SFSWAP: variants seen among roughly 807,000 people sequenced by gnomAD.
SFSWAP encodes the protein splicing factor, suppressor of white-apricot homolog.
A neutral mutation model predicts 100.7 loss-of-function variants in SFSWAP; 17 were observed. The observed-to-expected ratio is 0.17, with a 90% CI of 0.12 to 0.25. The LOEUF (loss-of-function observed/expected upper bound fraction) is 0.25, where lower values mean the gene tolerates loss of function less well. SFSWAP is among the 10% of genes least tolerant of loss of function. The probability of loss-of-function intolerance (pLI) is 1.00; values close to 1 mark genes in which losing one functional copy is unlikely to be tolerated. For missense variants in SFSWAP, 1,005 were observed against 1,262.6 expected, an observed-to-expected ratio of 0.80 and a Z score of 3.09; for synonymous variants, 504 against 510.1, an observed-to-expected ratio of 0.99 and a Z score of 0.16.
At chr12:131,763,517 T>C (rs1882849367) in intron 11 of SFSWAP, among the ~76,000 whole-genome samples, 2 of 152,220 alleles carry the variant, frequency 1.3e-5, no homozygotes, top group African/African-American at 2.4e-5. Context: ...ATTTTTTCTT[T>C]AGGGCCTCCA....
intron 12 of SFSWAP, 84 bp downstream of exon 12, chr12:131,764,770 C>A: frequency 1.0e-6 from 1 of 959,784 alleles, no homozygotes; most frequent in Non-Finnish European, 1.6e-6. Flanking sequence ...AATCTCGAGG[C>A]TGCCAACTAG....
intron 12 of SFSWAP, among the ~76,000 whole-genome samples, chr12:131,765,644 C>G (rs573948221): frequency 1.3e-5 from 2 of 151,528 alleles, no homozygotes; most frequent in African/African-American, 4.8e-5. Context: ...GCAAAAACTC[C>G]GTCTCAAAGA....
At chr12:131,747,529 A>C (rs1419865260) in intron 7 of SFSWAP, among the ~76,000 whole-genome samples, 1 of 152,134 alleles carries the variant, frequency 6.6e-6, no homozygotes, top group African/African-American at 2.4e-5. Flanking sequence ...TGGTTGAGAG[A>C]GGTCGCCATG....
At chr12:131,776,944 T>C (rs1035309891) in intron 13 of SFSWAP, among the ~76,000 whole-genome samples, 1 of 152,214 alleles carries the variant, frequency 6.6e-6, no homozygotes, top group Non-Finnish European at 1.5e-5. Flanking sequence ...TGTGTCAGCA[T>C]GCATTGAAGA....
chr12:131,711,346 C>T lies in SFSWAP; in HGVS notation c.117C>T (p.Gly39=), dbSNP rs1175363043. ...GCCGAGTGGAGCTCTTGGTTTTCGG[C>T]TATGCCTGCAAGCTGTTCCGGGACG... The part of the protein sequence containing the change: ...GGSRVELLVF[G]YACKLFRDDE... Residue 39 remains glycine (G), a synonymous_variant, in exon 1 of 18, where the codon GGC becomes GGT. Transcript: ENST00000261674. The surrounding 1 kb of genome is among the most constrained non-coding windows in gnomAD (Gnocchi z 4.9). 17 of 1,613,874 alleles carry T rather than the reference C, an allele frequency of 1.1e-5. No homozygotes were observed. Among genetic ancestry groups the T allele is most frequent in the Non-Finnish European group, 1.4e-5 (17 of 1,180,028 alleles).
intron 7 of SFSWAP, among the ~76,000 whole-genome samples, chr12:131,736,562 C>T (rs995656080): frequency 3.3e-5 from 5 of 152,138 alleles, no homozygotes; most frequent in African/African-American, 1.2e-4. Context: ...TGCCTGCTCA[C>T]AGGCATCGTG....
intron 7 of SFSWAP, among the ~76,000 whole-genome samples, chr12:131,752,811 A>G (rs1250798578): frequency 6.6e-6 from 1 of 152,206 alleles, no homozygotes; most frequent in Admixed American, 6.5e-5. Context: ...ACTGTTCCCA[A>G]CCTGCACATT....
intron 14 of SFSWAP, among the ~76,000 whole-genome samples, chr12:131,786,184 G>A (rs1477201190): frequency 1.3e-5 from 2 of 152,198 alleles, no homozygotes; most frequent in African/African-American, 2.4e-5. Flanking sequence ...CAGCCTCCAC[G>A]CCAGTTGCAT....
intron 10 of SFSWAP, among the ~76,000 whole-genome samples, chr12:131,756,223 C>T (rs985860836): frequency 6.6e-6 from 1 of 151,940 alleles, no homozygotes; most frequent in South Asian, 2.1e-4. Context: ...AAATTGGTTC[C>T]CAAGGCAGTA....
chr12:131,722,449 G>T (rs1316789505), intron 4 of SFSWAP, among the ~76,000 whole-genome samples: 3 of 152,072 alleles, frequency 2.0e-5, no homozygotes, highest in Non-Finnish European at 4.4e-5. Flanking sequence ...TGTAGTCCCA[G>T]ACCTGTTAGG....
chr12:131,776,324 G>A (rs764719217), intron 13 of SFSWAP, among the ~76,000 whole-genome samples: 11 of 152,006 alleles, frequency 7.2e-5, no homozygotes, highest in Non-Finnish European at 1.2e-4. Flanking sequence ...CCTCTTGCCC[G>A]CCGCACACCC....
chr12:131,766,511 G>T (rs999041319), intron 13 of SFSWAP, among the ~76,000 whole-genome samples: 3 of 152,232 alleles, frequency 2.0e-5, no homozygotes, highest in Non-Finnish European at 4.4e-5. Flanking sequence ...TCAGTGCACA[G>T]TCACGCCAGC....
intron 13 of SFSWAP, among the ~76,000 whole-genome samples, chr12:131,777,327 G>A (rs976576963): frequency 3.9e-5 from 6 of 152,090 alleles, no homozygotes; most frequent in African/African-American, 1.4e-4. Context: ...GGTGTGTGAT[G>A]TTCCCCTTCC....
At position 131,734,095 on chromosome 12, in the gene SFSWAP, C is replaced by T. The variant is rs572112781; in HGVS notation, c.1081+5667C>T. ...GACCCAACAGCTCAGGTGACAGTGA[C>T]ACCTGCAGCGGAGGCTGGGGAAGCA... On this transcript the variant is annotated intron_variant, in intron 7 of 17. Transcript: ENST00000261674. The surrounding 1 kb of genome is among the most constrained non-coding windows in gnomAD (Gnocchi z 4.9). 5.3e-5 allele frequency among the ~76,000 whole-genome samples: 8 copies of T among 152,360 alleles called. No homozygotes were observed. The East Asian group carries it at 1.4e-3, about 26-fold the overall frequency.
chr12:131,764,984 C>T, intron 12 of SFSWAP, among the ~76,000 whole-genome samples: 1 of 152,218 alleles, frequency 6.6e-6, no homozygotes, highest in East Asian at 1.9e-4. Flanking sequence ...GCTCACTTTG[C>T]ACTTGGCTGG....
Position 131,744,932 on chromosome 12 carries a change from G to C in SFSWAP, c.1082-8191G>C, listed in dbSNP as rs539532708. On this transcript the variant is annotated intron_variant, in intron 7 of 17. Coordinates refer to ENST00000261674, the MANE Select transcript of SFSWAP (RefSeq NM_004592.4). ...CCTGTTTTTGAAACTATCAGATCTT[G>C]TGGGACTCATTCATTAACATGAGAA... Among the ~76,000 whole-genome samples the C allele has an allele frequency of 3.3e-5, 5 of 152,328 alleles. No individual in the cohort carries two copies. The East Asian group carries it at 9.6e-4, about 29-fold the overall frequency.
chr12:131,783,808 A>ATATATATATATATATATATATATG (rs1243469919), intron 14 of SFSWAP: 3 of 133,260 alleles, frequency 2.3e-5, no homozygotes, highest in Non-Finnish European at 4.9e-5. Context: ...ATATATATAT[A>ATATATATATATATATATATATATG]TATATATATA....
intron 14 of SFSWAP, 65 bp from the exon 15 acceptor site, chr12:131,786,398 T>G: frequency 6.6e-7 from 1 of 1,515,696 alleles, no homozygotes; most frequent in South Asian, 1.3e-5. Flanking sequence ...GCCAGGGCAG[T>G]AGGAAGCATG....
rs552583156 is a variant in SFSWAP, at chr12:131,759,262, T to C, written c.1720+2618T>C. Reference sequence around the variant, plus strand: ...AAGAAATCAGGAACCAACATAGACCTATAGACCTGAAAGAATTTTGAAAAT... The same window carrying C: ...AAGAAATCAGGAACCAACATAGACCCATAGACCTGAAAGAATTTTGAAAAT... On this transcript the variant is annotated intron_variant, in intron 11 of 17. Transcript: ENST00000261674. Among the ~76,000 whole-genome samples the C allele has an allele frequency of 7.2e-5, 11 of 152,278 alleles. 1 individual carries two copies. The South Asian group carries it at 2.3e-3, about 32-fold the overall frequency.
Sources: allele counts gnomAD v4.1 joint callset (sites outside exome capture counted in the v4.1 genomes callset), GRCh38; gene constraint gnomAD v4.1.1; non-coding constraint Gnocchi (gnomAD v3.1); transcripts MANE v1.5; gene names NCBI Gene and HGNC (gene_info 2026-07-23, HGNC 2026-07-21).